The following CLEC16A variants were observed in gnomAD, a reference collection of about 807,000 sequenced individuals.
CLEC16A encodes protein CLEC16A.
In CLEC16A, 51 loss-of-function variants were observed where a neutral mutation model predicts 109.5. The ratio of observed to expected loss-of-function variants is 0.47; its 90% CI spans 0.37 to 0.59. The LOEUF (loss-of-function observed/expected upper bound fraction) is 0.59. CLEC16A is among the 20% of genes least tolerant of loss of function. The pLI is 0.00. For synonymous variants in CLEC16A, 673 were observed against 564.2 expected (o/e 1.19, Z -2.73); for missense variants, 1,339 against 1,394.0 (o/e 0.96, Z 0.63).
chr16:11,035,157 A>T (rs1459114699), intron 13 of CLEC16A, among the ~76,000 whole-genome samples: 1 of 152,200 alleles, frequency 6.6e-6, no homozygotes, highest in African/African-American at 2.4e-5. Context: ...AAATGAGAAT[A>T]AGTTGCTTTT....
chr16:11,112,793 C>T (rs769283080), intron 19 of CLEC16A, among the ~76,000 whole-genome samples: 6 of 152,208 alleles, frequency 3.9e-5, no homozygotes, highest in Admixed American at 1.3e-4. Flanking sequence ...AACAAGGTTC[C>T]GCTAGGAGGC....
chr16:11,124,852 C>T (rs913886976), intron 21 of CLEC16A, among the ~76,000 whole-genome samples: 2 of 152,136 alleles, frequency 1.3e-5, no homozygotes, highest in Non-Finnish European at 2.9e-5. Context: ...TTCGGGAGGC[C>T]AAGGCGGGTA....
chr16:10,971,763 C>A (rs989174904), intron 5 of CLEC16A, among the ~76,000 whole-genome samples: 5 of 152,216 alleles, frequency 3.3e-5, no homozygotes, highest in East Asian at 1.9e-4. Flanking sequence ...GCCATTCCCC[C>A]ACTCTCCGCT....
chr16:11,037,254 G>T (rs2047074137), intron 13 of CLEC16A, among the ~76,000 whole-genome samples: 1 of 152,200 alleles, frequency 6.6e-6, no homozygotes, highest in Non-Finnish European at 1.5e-5. Context: ...GGCTGGCTGT[G>T]TGGGTGCTGC....
At chr16:11,147,167 T>A (rs1166524976) in intron 22 of CLEC16A, among the ~76,000 whole-genome samples, 1 of 152,168 alleles carries the variant, frequency 6.6e-6, no homozygotes, top group Non-Finnish European at 1.5e-5. Flanking sequence ...ATGAATATGT[T>A]GCTGCCCGTT....
At chr16:11,065,998 G>C (rs1241118586) in intron 19 of CLEC16A, among the ~76,000 whole-genome samples, 3 of 152,198 alleles carry the variant, frequency 2.0e-5, no homozygotes, top group Non-Finnish European at 4.4e-5. Flanking sequence ...AGGGGCCTTC[G>C]AGCTGCACTG....
At chr16:11,171,537 A>G (rs1241108303) in intron 23 of CLEC16A, among the ~76,000 whole-genome samples, 1 of 152,230 alleles carries the variant, frequency 6.6e-6, no homozygotes, top group African/African-American at 2.4e-5. Context: ...TCGCCCACAC[A>G]TCCAGCAGAG....
chr16:11,039,985 G>A (rs922441579), intron 14 of CLEC16A, 109 bp downstream of exon 14: 5 of 1,366,782 alleles, frequency 3.7e-6, no homozygotes, highest in Non-Finnish European at 4.9e-6. Flanking sequence ...GAGAATCCGG[G>A]CCCATCCCAA....
At chr16:11,050,288 C>G (rs574384274) in intron 17 of CLEC16A, among the ~76,000 whole-genome samples, 6 of 152,220 alleles carry the variant, frequency 3.9e-5, no homozygotes, top group Non-Finnish European at 8.8e-5. Context: ...CCTCTCAGCA[C>G]TGTCACACTG....
chr16:11,010,575 C>G (rs2045340373), intron 11 of CLEC16A, among the ~76,000 whole-genome samples: 1 of 152,204 alleles, frequency 6.6e-6, no homozygotes, highest in African/African-American at 2.4e-5. Context: ...CCACACACCC[C>G]ACGCACATTC....
chr16:10,969,330 C>T, intron 4 of CLEC16A, 21 bp downstream of exon 4: 1 of 1,561,736 alleles, frequency 6.4e-7, no homozygotes, highest in Non-Finnish European at 8.7e-7. Flanking sequence ...GCCAGAGGGG[C>T]ACGTGTGGGT....
intron 22 of CLEC16A, chr16:11,126,445 T>C (rs2052826571): frequency 4.5e-6 from 6 of 1,321,098 alleles, no homozygotes; most frequent in Non-Finnish European, 6.0e-6. Context: ...ATTTAAATGA[T>C]TAGTGCTGAA....
chr16:11,014,245 A>C (rs893570806), intron 11 of CLEC16A, among the ~76,000 whole-genome samples: 11 of 152,158 alleles, frequency 7.2e-5, no homozygotes, highest in Admixed American at 3.3e-4. Context: ...CCACTTAGCA[A>C]TGTCTCCGGA....
chr16:10,994,194 G>T (rs1025764291), intron 10 of CLEC16A, among the ~76,000 whole-genome samples: 2 of 152,166 alleles, frequency 1.3e-5, no homozygotes, highest in Non-Finnish European at 2.9e-5. Flanking sequence ...GAAGCGGCCT[G>T]CTACCTTTGC....
chr16:11,048,491 A>T (rs908555007), intron 17 of CLEC16A: 1 of 152,240 alleles, frequency 6.6e-6, no homozygotes, highest in African/African-American at 2.4e-5. Flanking sequence ...AGTTTATAAT[A>T]AACCTAAGTG....
At chr16:11,121,182 C>G (rs2052382414) in intron 20 of CLEC16A, among the ~76,000 whole-genome samples, 1 of 152,190 alleles carries the variant, frequency 6.6e-6, no homozygotes, top group Non-Finnish European at 1.5e-5. Context: ...CATTCAATAT[C>G]AATAGTGTGT....
At chr16:11,086,466 G>A (rs374065850) in intron 19 of CLEC16A, among the ~76,000 whole-genome samples, 5 of 152,342 alleles carry the variant, frequency 3.3e-5, no homozygotes, top group African/African-American at 9.6e-5. Context: ...GTACCTCACT[G>A]GTAGGTAATT....
chr16:10,988,676 A>G (rs749326491), intron 10 of CLEC16A, among the ~76,000 whole-genome samples: 24 of 152,120 alleles, frequency 1.6e-4, no homozygotes, highest in Non-Finnish European at 3.1e-4. Flanking sequence ...TTCCACCTCC[A>G]GAGGCAGCCT....
chr16:11,116,794 C>CAAAT (rs1169156060), intron 19 of CLEC16A, among the ~76,000 whole-genome samples: 2 of 152,104 alleles, frequency 1.3e-5, no homozygotes, highest in Non-Finnish European at 2.9e-5. Flanking sequence ...AAAGTTGAGC[C>CAAAT]AAATATCTGG....
Sources: gnomAD v4.1 joint callset for allele counts (sites outside exome capture counted in the v4.1 genomes callset) on GRCh38, gnomAD v4.1.1 for gene constraint, MANE v1.5 for transcripts, NCBI Gene and HGNC (gene_info 2026-07-23, HGNC 2026-07-21) for gene names.